Variants in P2RX5 observed in about 807,000 individuals in gnomAD.
P2RX5 encodes the protein purinergic receptor P2X 5.
Under a neutral mutation model 54.1 loss-of-function variants are expected in P2RX5, and 46 were observed. That is an observed-to-expected ratio of 0.85 (90% CI 0.67 to 1.09). The LOEUF (loss-of-function observed/expected upper bound fraction) is 1.09, where lower values mean the gene tolerates loss of function less well. P2RX5 is among the 50% of genes least tolerant of loss of function. The pLI, the probability that P2RX5 is intolerant of heterozygous loss-of-function variation, is 0.00. For missense variants in P2RX5, 566 were observed against 549.8 expected, an observed-to-expected ratio of 1.03 and a Z score of -0.29; for synonymous variants, 226 against 226.4, an observed-to-expected ratio of 1.00 and a Z score of 0.02.
At chr17:3,690,866 G>A (rs754952134) in intron 3 of P2RX5, 90 bp downstream of exon 3, 46 of 1,271,462 alleles carry the variant, frequency 3.6e-5, no homozygotes, top group Non-Finnish European at 5.0e-5. Context: ...CCTTGGAGTG[G>A]ACAGACACCC....
At chr17:3,692,009 TAG>T in intron 1 of P2RX5, 1 of 581,874 alleles carries the variant, frequency 1.7e-6, no homozygotes, top group Non-Finnish European at 3.1e-6. Context: ...CAAGCAACCC[TAG>T]AGATGGGGGC....
the P2RX5 span, among the ~76,000 whole-genome samples, chr17:3,710,931 AAC>A: frequency 6.6e-6 from 1 of 150,996 alleles, no homozygotes; most frequent in African/African-American, 2.4e-5. Context: ...GTCTCAAAAA[AAC>A]AAAACAAAAC....
intron 7 of P2RX5, 126 bp downstream of exon 7, chr17:3,689,366 T>C (rs976390331): frequency 4.1e-5 from 31 of 758,328 alleles, no homozygotes; most frequent in Non-Finnish European, 6.3e-5. Flanking sequence ...ACTGAGTCCC[T>C]GGGGGCAGGT....
At chr17:3,680,099 C>G (rs2050205987) in intron 10 of P2RX5, among the ~76,000 whole-genome samples, 1 of 148,082 alleles carries the variant, frequency 6.8e-6, no homozygotes, top group African/African-American at 2.5e-5. Flanking sequence ...ACGTCCTCCA[C>G]CCAGCGTCCT....
chr17:3,697,847 C>T (rs1014185567), upstream of P2RX5, among the ~76,000 whole-genome samples: 7 of 152,082 alleles, frequency 4.6e-5, no homozygotes, highest in Non-Finnish European at 1.0e-4. Context: ...CTTTCTATCC[C>T]ATTATCTCAT....
At chr17:3,723,558 A>T in the P2RX5 span, 201 of 1,096,504 alleles carry the variant, frequency 1.8e-4, 2 homozygotes, top group South Asian at 2.8e-3. Context: ...CCAGGGACGA[A>T]GCTAGGGAGG....
At chr17:3,699,944 AAG>A (rs1491282696), upstream of P2RX5, among the ~76,000 whole-genome samples, 4 of 131,440 alleles carry the variant, frequency 3.0e-5, no homozygotes, top group Admixed American at 2.2e-4. Context: ...GAAAGAAAGA[AAG>A]AAAGAAAGAA....
chr17:3,681,424 A>G (rs932841101), intron 10 of P2RX5, among the ~76,000 whole-genome samples: 1 of 150,778 alleles, frequency 6.6e-6, no homozygotes, highest in Non-Finnish European at 1.5e-5. Context: ...GAACACGCAC[A>G]CCCCACCGAA....
At chr17:3,709,251 G>T in the P2RX5 span, among the ~76,000 whole-genome samples, 2 of 152,278 alleles carry the variant, frequency 1.3e-5, no homozygotes, top group South Asian at 4.1e-4. Flanking sequence ...AAAGATACAC[G>T]TTAAACCAGG....
At chr17:3,716,705 G>C in the P2RX5 span, 1 of 1,597,214 alleles carries the variant, frequency 6.3e-7, no homozygotes, top group Non-Finnish European at 8.6e-7. Flanking sequence ...AGGATGACCA[G>C]AATCACGATC....
chr17:3,691,889 C>T, intron 1 of P2RX5, 95 bp from the exon 2 acceptor site: 1 of 1,317,012 alleles, frequency 7.6e-7, no homozygotes, highest in Non-Finnish European at 1.1e-6. Flanking sequence ...CACAGCAACT[C>T]CTAGTTGAGG....
chr17:3,677,804 A>G (rs747161212), intron 11 of P2RX5: 41 of 985,020 alleles, frequency 4.2e-5, no homozygotes, highest in Non-Finnish European at 4.9e-5. Flanking sequence ...GAAAATCCAA[A>G]CACTCCACTT....
intron 10 of P2RX5, among the ~76,000 whole-genome samples, chr17:3,680,721 GCA>G (rs2142996933): frequency 9.4e-6 from 1 of 105,836 alleles, no homozygotes; most frequent in African/African-American, 3.8e-5. Flanking sequence ...CCTCCACCCT[GCA>G]TCCTCCACCC....
intron 2 of P2RX5, 136 bp downstream of exon 2, chr17:3,691,508 C>T (rs1567738942): frequency 1.8e-6 from 2 of 1,092,488 alleles, no homozygotes; most frequent in South Asian, 1.3e-5. Context: ...TTGCTCTCTG[C>T]AAGCCCTGGC....
upstream of P2RX5, among the ~76,000 whole-genome samples, chr17:3,696,931 T>TGG (rs141737373): frequency 6.6e-6 from 1 of 151,684 alleles, no homozygotes; most frequent in Non-Finnish European, 1.5e-5. Flanking sequence ...GGGGTGGTTG[T>TGG]GGGGGGGAAG....
upstream of P2RX5, among the ~76,000 whole-genome samples, chr17:3,698,148 C>G (rs1244817660): frequency 6.6e-6 from 1 of 152,042 alleles, no homozygotes; most frequent in Non-Finnish European, 1.5e-5. Context: ...CCAGCCTCCT[C>G]CTCAGCCCCC....
the P2RX5 span, chr17:3,723,326 T>C: frequency 2.5e-6 from 4 of 1,613,860 alleles, no homozygotes; most frequent in Non-Finnish European, 2.5e-6. Flanking sequence ...GCAGCCACGG[T>C]GACATTTTCT....
chr17:3,687,963 C>G (rs1209119048), intron 9 of P2RX5, 49 bp downstream of exon 9: 1 of 335,398 alleles, frequency 3.0e-6, no homozygotes, highest in South Asian at 1.9e-5. Context: ...CGTCCCCCTC[C>G]CAGCCCCCGC....
chr17:3,717,039 G>T, the P2RX5 span: 1 of 413,910 alleles, frequency 2.4e-6, no homozygotes. Context: ...AGAAGGGCTA[G>T]GTCTGTCAGG....
Sources: allele counts gnomAD v4.1 joint callset (sites outside exome capture counted in the v4.1 genomes callset), GRCh38; gene constraint gnomAD v4.1.1; transcripts MANE v1.5; gene names NCBI Gene and HGNC (gene_info 2026-07-23, HGNC 2026-07-21).